The following SNX24 variants were observed in gnomAD, a reference collection of about 807,000 sequenced individuals.
SNX24 encodes the protein sorting nexin 24.
In SNX24, 22 loss-of-function variants were observed where a neutral mutation model predicts 28.7. That is an observed-to-expected ratio of 0.77 (90% CI 0.55 to 1.10). The LOEUF (loss-of-function observed/expected upper bound fraction) is 1.10, where lower values mean the gene tolerates loss of function less well. SNX24 is among the 50% of genes least tolerant of loss of function. The probability of loss-of-function intolerance (pLI) is 0.00; values close to 1 mark genes in which losing one functional copy is unlikely to be tolerated. For missense variants in SNX24, 221 were observed against 201.1 expected (o/e 1.10, Z -0.60); for synonymous variants, 69 against 71.5 (o/e 0.96, Z 0.18).
At chr5:123,004,800 T>C (rs1023271883) in intron 6 of SNX24, among the ~76,000 whole-genome samples, 1 of 152,206 alleles carries the variant, frequency 6.6e-6, no homozygotes, top group Non-Finnish European at 1.5e-5. Flanking sequence ...GCCTCTCATC[T>C]TCCAGGGCTC....
intron 1 of SNX24, among the ~76,000 whole-genome samples, chr5:122,858,731 A>G (rs951715258): frequency 6.6e-6 from 1 of 152,248 alleles, no homozygotes; most frequent in Non-Finnish European, 1.5e-5. Context: ...ATAGTATCAC[A>G]ATGTAATTCT....
chr5:122,886,978 GT>G (rs1205688441), intron 1 of SNX24, among the ~76,000 whole-genome samples: 1 of 152,102 alleles, frequency 6.6e-6, no homozygotes, highest in Non-Finnish European at 1.5e-5. Context: ...TTTAAAAAAA[GT>G]TATTTTAACA....
chr5:122,901,084 C>T (rs1268863428), intron 1 of SNX24, among the ~76,000 whole-genome samples: 3 of 151,652 alleles, frequency 2.0e-5, no homozygotes, highest in African/African-American at 7.3e-5. Flanking sequence ...GCCTGTAATC[C>T]CAGCTACTCA....
chr5:122,936,480 G>C (rs1259907906), intron 1 of SNX24, among the ~76,000 whole-genome samples: 1 of 152,020 alleles, frequency 6.6e-6, no homozygotes, highest in Non-Finnish European at 1.5e-5. Context: ...AAATTAGGTA[G>C]GTTTTTTTTT....
intron 5 of SNX24, chr5:123,028,507 T>C (rs1762895856): frequency 5.6e-6 from 2 of 357,058 alleles, no homozygotes; most frequent in Middle Eastern, 6.5e-4. Context: ...ACTAGTAGTC[T>C]GGTATTTTAA....
At chr5:122,970,255 C>G (rs957544550) in intron 3 of SNX24, among the ~76,000 whole-genome samples, 1 of 150,374 alleles carries the variant, frequency 6.7e-6, no homozygotes, top group Non-Finnish European at 1.5e-5. Flanking sequence ...GATATTCTTC[C>G]TAGACTACTT....
At position 122,983,595 on chromosome 5, in the gene SNX24, A is replaced by G. The variant is rs115301622; in HGVS notation, c.250-16317A>G. ...CAAAATCCTTCACATATAACCAACA[A>G]AGTAGTGAAAAATTTTTGTTGTTGT... On this transcript the variant is annotated intron_variant, in intron 3 of 6. Transcript: ENST00000261369. Among the ~76,000 whole-genome samples, 567 of 152,228 alleles carry G rather than the reference A, an allele frequency of 3.7e-3. 3 individuals carry two copies. The highest frequency in any genetic ancestry group is 0.013 in the African/African-American group (544 of 41,546).
chr5:122,902,701 A>C (rs1271252344), intron 1 of SNX24, among the ~76,000 whole-genome samples: 2 of 152,158 alleles, frequency 1.3e-5, no homozygotes, highest in Non-Finnish European at 2.9e-5. Context: ...TGTGTCTGCT[A>C]TACAGGGTCA....
intron 3 of SNX24, among the ~76,000 whole-genome samples, chr5:122,974,848 A>G (rs1761104321): frequency 6.6e-6 from 1 of 152,196 alleles, no homozygotes; most frequent in African/African-American, 2.4e-5. Flanking sequence ...CCTTCCCACC[A>G]TAATTGCCCT....
At chr5:122,910,625 C>T (rs1203600381) in intron 1 of SNX24, among the ~76,000 whole-genome samples, 29 of 116,872 alleles carry the variant, frequency 2.5e-4, no homozygotes, top group Non-Finnish European at 4.9e-4. Flanking sequence ...CCCCTCCCCC[C>T]ACCCCACAAC....
At chr5:122,917,512 C>G (rs1242494418) in intron 1 of SNX24, among the ~76,000 whole-genome samples, 1 of 151,506 alleles carries the variant, frequency 6.6e-6, no homozygotes, top group African/African-American at 2.4e-5. Flanking sequence ...CCTCGCTTCT[C>G]TCCTTCTTCA....
At chr5:122,858,794 A>G (rs1755323669) in intron 1 of SNX24, among the ~76,000 whole-genome samples, 1 of 152,188 alleles carries the variant, frequency 6.6e-6, no homozygotes, top group Non-Finnish European at 1.5e-5. Context: ...ATCTTTTTAT[A>G]TGGTTAAAAA....
chr5:122,921,511 C>A (rs1394451671), intron 1 of SNX24, among the ~76,000 whole-genome samples: 2 of 151,920 alleles, frequency 1.3e-5, no homozygotes, highest in Non-Finnish European at 2.9e-5. Flanking sequence ...GCAGAAGATC[C>A]ACAGCTGTAC....
chr5:123,009,881 C>T (rs398142), downstream of SNX24, among the ~76,000 whole-genome samples: 33,921 of 152,150 alleles, frequency 0.22, 4,826 homozygotes, highest in Non-Finnish European at 0.33. Context: ...AGCAGGAATA[C>T]AGGGAGTTAG....
At chr5:122,891,098 T>G (rs1263214101) in intron 1 of SNX24, 3 of 1,534,208 alleles carry the variant, frequency 2.0e-6, no homozygotes, top group Non-Finnish European at 8.8e-7. Context: ...TGGAAATTGC[T>G]TTTTCAAATG....
intron 3 of SNX24, among the ~76,000 whole-genome samples, chr5:122,958,544 C>G (rs1331632578): frequency 2.6e-5 from 4 of 152,006 alleles, no homozygotes; most frequent in Admixed American, 6.5e-5. Context: ...GTGTGAGCCA[C>G]CATGCCTGAC....
At chr5:122,961,360 G>C (rs985111149) in intron 3 of SNX24, among the ~76,000 whole-genome samples, 5 of 152,152 alleles carry the variant, frequency 3.3e-5, no homozygotes, top group Admixed American at 1.3e-4. Context: ...TATTTGGGAG[G>C]GGGTGAGGGT....
At chr5:122,958,928 C>A (rs1478062127) in intron 3 of SNX24, among the ~76,000 whole-genome samples, 2 of 152,122 alleles carry the variant, frequency 1.3e-5, no homozygotes, top group African/African-American at 4.8e-5. Context: ...TGCATCAGTG[C>A]TCGTCAGGAA....
At chr5:122,860,983 C>T (rs1361186242) in intron 1 of SNX24, among the ~76,000 whole-genome samples, 1 of 152,138 alleles carries the variant, frequency 6.6e-6, no homozygotes, top group Admixed American at 6.5e-5. Flanking sequence ...ATTTTAGTTT[C>T]ACTCAGGTGG....
Sources: allele counts gnomAD v4.1 joint callset (sites outside exome capture counted in the v4.1 genomes callset), GRCh38; gene constraint gnomAD v4.1.1; transcripts MANE v1.5; gene names NCBI Gene and HGNC (gene_info 2026-07-23, HGNC 2026-07-21).